Variants in DYSF observed in about 807,000 individuals in gnomAD.
DYSF encodes dysferlin.
DYSF carries 212 observed loss-of-function variants against 274.9 expected under a neutral mutation model. That is an observed-to-expected ratio of 0.77 (90% CI 0.69 to 0.86). DYSF has a LOEUF of 0.86. Ranked by LOEUF, DYSF falls within the 40% of genes least tolerant of loss-of-function variation. DYSF has a pLI of 0.00. For missense variants in DYSF, 2,666 were observed against 2,783.2 expected (o/e 0.96, Z 0.95); for synonymous variants, 1,091 against 1,078.7 (o/e 1.01, Z -0.22).
At chr2:71,477,277 C>T (rs542759943) in intron 1 of DYSF, among the ~76,000 whole-genome samples, 19 of 152,018 alleles carry the variant, frequency 1.2e-4, no homozygotes, top group Admixed American at 3.9e-4. Context: ...GGAGGGTTCC[C>T]GGTGGCACAG....
At chr2:71,539,011 G>T in intron 16 of DYSF, 146 bp from the exon 17 acceptor site, 4 of 730,940 alleles carry the variant, frequency 5.5e-6, no homozygotes, top group Non-Finnish European at 9.8e-6. Context: ...CCAGGCCTCA[G>T]TAACATACCA....
chr2:71,462,269 C>G (rs1208362444), upstream of DYSF, among the ~76,000 whole-genome samples: 1 of 152,168 alleles, frequency 6.6e-6, no homozygotes, highest in East Asian at 1.9e-4. Flanking sequence ...GCTCCAGGTG[C>G]TGGTACAGGC....
rs551627232 is a variant in DYSF, at chr2:71,643,026, T to G, written c.4528-939T>G. ...TCCCACTAAACCAGATAAGCTCTAATGGTACAGATGGGCTCAGAGTGAGTG... is the reference window on the plus strand; with the variant it reads ...TCCCACTAAACCAGATAAGCTCTAAGGGTACAGATGGGCTCAGAGTGAGTG... On this transcript the variant is annotated intron_variant, in intron 41 of 55. Coordinates refer to ENST00000410020, the MANE Select transcript of DYSF (RefSeq NM_001130987.2). 1.6e-4 allele frequency among the ~76,000 whole-genome samples: 24 copies of G among 152,274 alleles called. No homozygotes were observed. In the East Asian group the frequency reaches 3.7e-3, roughly 23 times the overall value.
chr2:71,463,018 T>C (rs1239270599), upstream of DYSF, among the ~76,000 whole-genome samples: 1 of 152,190 alleles, frequency 6.6e-6, no homozygotes, highest in Non-Finnish European at 1.5e-5. Context: ...CATCCCTGGC[T>C]TGTAGGTGGG....
upstream of DYSF, among the ~76,000 whole-genome samples, chr2:71,464,970 G>A (rs112650819): frequency 4.6e-5 from 7 of 152,252 alleles, no homozygotes; most frequent in African/African-American, 1.7e-4. Context: ...TGGTGGGGTT[G>A]AAGGTGTCAC....
intron 30 of DYSF, among the ~76,000 whole-genome samples, chr2:71,574,735 C>A (rs978723013): frequency 2.0e-5 from 3 of 152,082 alleles, no homozygotes; most frequent in Non-Finnish European, 4.4e-5. Context: ...TCTTGTGGCC[C>A]CAGAGTGTCC....
intron 3 of DYSF, among the ~76,000 whole-genome samples, chr2:71,489,362 G>A (rs888580065): frequency 1.3e-5 from 2 of 152,336 alleles, no homozygotes; most frequent in Non-Finnish European, 2.9e-5. Flanking sequence ...TTTAGGAATC[G>A]GCGGGATGCT....
chr2:71,631,287 C>T (rs557559880), intron 41 of DYSF, among the ~76,000 whole-genome samples: 1 of 152,288 alleles, frequency 6.6e-6, no homozygotes, highest in Admixed American at 6.5e-5. Flanking sequence ...ATGGTTTTAC[C>T]TGTACTTTTG....
At position 71,589,664 on chromosome 2, in the gene DYSF, C is replaced by T; in HGVS notation, c.3474C>T (p.Pro1158=). The T allele has an allele frequency of 3.7e-6, 6 of 1,614,148 alleles. No individual in the cohort carries two copies. Among genetic ancestry groups the T allele is most frequent in the Non-Finnish European group, 5.1e-6 (6 of 1,179,994 alleles). ...CCTTGAGCTTCGGTGTGAACAGACC[C>T]ACGATTTCCTGCATATTCGACTGTA... The part of the protein sequence containing the change: ...VSTLSFGVNR[P]TISCIFDYGN... Residue 1158 remains proline, a synonymous_variant, in exon 31 of 56, where the codon CCC becomes CCT. Transcript: ENST00000410020.
At chr2:71,476,013 C>T (rs540037894) in intron 1 of DYSF, among the ~76,000 whole-genome samples, 1 of 152,266 alleles carries the variant, frequency 6.6e-6, no homozygotes, top group East Asian at 1.9e-4. Context: ...CTCAGGCGAT[C>T]CTCCCACCTC....
At chr2:71,684,313 G>A (rs906027781) in intron 55 of DYSF, among the ~76,000 whole-genome samples, 4 of 152,226 alleles carry the variant, frequency 2.6e-5, no homozygotes, top group South Asian at 2.1e-4. Context: ...CCTGAGATCC[G>A]GGGTCAGGCC....
At chr2:71,607,558 G>A (rs1337293231) in intron 36 of DYSF, among the ~76,000 whole-genome samples, 2 of 152,228 alleles carry the variant, frequency 1.3e-5, no homozygotes, top group African/African-American at 2.4e-5. Context: ...CGCGTGGGCT[G>A]TTGGGAGAGG....
chr2:71,680,850 A>G lies in DYSF; in HGVS notation c.6064-151A>G, dbSNP rs13419853. The G allele has an allele frequency of 5.9e-3, 4,051 of 682,364 alleles. 113 individuals carry two copies. The African/African-American group carries it at 0.066, about 11-fold the overall frequency. 42.3% of individuals were successfully genotyped at this position (682,364 alleles called of 1,614,324 possible). A position where few individuals can be genotyped will look rare whatever the true frequency, so the allele number is the denominator to read the frequency against. On this transcript the variant is annotated intron_variant, in intron 53 of 55. Transcript: ENST00000410020. Reference sequence around the variant, plus strand: ...CATTTCTGAAGTTTCCAAATGTTTTACAAAGAGCAGGTGCTGCTTTTATGT... The same window carrying G: ...CATTTCTGAAGTTTCCAAATGTTTTGCAAAGAGCAGGTGCTGCTTTTATGT...
At position 71,682,542 on chromosome 2, in the gene DYSF, C is replaced by T. The variant is rs1573203007; in HGVS notation, c.6186C>T (p.Thr2062=). The T allele has an allele frequency of 6.2e-7, 1 of 1,614,132 alleles. No individual in the cohort carries two copies. ...ATCTCGCTTCCAGGCGCCCCGACAC[C>T]TCCTTCCTGTGGTTTACCTCCCCAT... ...PKLEDPRRPD[T]SFLWFTSPYK... The change falls in exon 55 of 56, where the codon ACC becomes ACT. Residue 2062 remains threonine (T), a synonymous_variant. Transcript: ENST00000410020.
At chr2:71,549,313 C>T in intron 17 of DYSF, 1 of 1,606,190 alleles carries the variant, frequency 6.2e-7, no homozygotes, top group Non-Finnish European at 8.5e-7. Flanking sequence ...CCCAGCCATG[C>T]CCACCCTAAC....
intron 22 of DYSF, among the ~76,000 whole-genome samples, chr2:71,558,163 C>T (rs1045897859): frequency 5.3e-5 from 8 of 152,072 alleles, no homozygotes; most frequent in African/African-American, 1.9e-4. Context: ...ATGGACAGAA[C>T]CTGATGATGG....
chr2:71,610,984 G>A (rs1012847159), intron 36 of DYSF: 1 of 523,316 alleles, frequency 1.9e-6, no homozygotes, highest in South Asian at 1.9e-5. Context: ...TATGGGAGGA[G>A]GGGTGACGGG....
intron 22 of DYSF, among the ~76,000 whole-genome samples, chr2:71,560,676 G>T (rs1478224651): frequency 6.6e-6 from 1 of 151,936 alleles, no homozygotes; most frequent in Admixed American, 6.5e-5. Context: ...ATCTGGCGGC[G>T]GCGGTGCCGC....
intron 1 of DYSF, among the ~76,000 whole-genome samples, chr2:71,467,544 G>C (rs1201481977): frequency 6.6e-6 from 1 of 152,160 alleles, no homozygotes; most frequent in Non-Finnish European, 1.5e-5. Context: ...AGGTATTTCT[G>C]TGTGGGGCAG....
Sources: allele counts gnomAD v4.1 joint callset (sites outside exome capture counted in the v4.1 genomes callset), GRCh38; gene constraint gnomAD v4.1.1; transcripts MANE v1.5; gene names NCBI Gene and HGNC (gene_info 2026-07-23, HGNC 2026-07-21).